CAMKMT: variants seen among roughly 807,000 people sequenced by gnomAD.
The protein encoded by CAMKMT is calmodulin-lysine N-methyltransferase, also known as CaM KMT.
CAMKMT carries 53 observed loss-of-function variants against 48.0 expected under a neutral mutation model. The ratio of observed to expected loss-of-function variants is 1.10; its 90% CI spans 0.89 to 1.39. The LOEUF (loss-of-function observed/expected upper bound fraction) is 1.39. Ranked by LOEUF, CAMKMT falls within the 40% of genes most tolerant of loss-of-function variation. The probability of loss-of-function intolerance (pLI) is 0.00; values close to 1 mark genes in which losing one functional copy is unlikely to be tolerated. For synonymous variants in CAMKMT, 165 were observed against 152.3 expected (o/e 1.08, Z -0.61); for missense variants, 428 against 402.7 (o/e 1.06, Z -0.54).
chr2:44,637,010 C>T (rs536317668), intron 3 of CAMKMT, among the ~76,000 whole-genome samples: 1 of 152,228 alleles, frequency 6.6e-6, no homozygotes, highest in South Asian at 2.1e-4. Flanking sequence ...TCCAACTTGA[C>T]AAGCATTATA....
chr2:44,429,259 A>ATGTGTGTGTG (rs374003166), intron 3 of CAMKMT, among the ~76,000 whole-genome samples: 1 of 131,874 alleles, frequency 7.6e-6, no homozygotes, highest in African/African-American at 2.8e-5. Flanking sequence ...TTTTATATAT[A>ATGTGTGTGTG]TGTGTGTGTG....
At chr2:44,720,049 C>G (rs1434185484) in intron 7 of CAMKMT, among the ~76,000 whole-genome samples, 1 of 152,170 alleles carries the variant, frequency 6.6e-6, no homozygotes, top group Admixed American at 6.5e-5. Flanking sequence ...ACTAACATAA[C>G]ACTGTTGATT....
chr2:44,459,685 C>T (rs978716481), intron 3 of CAMKMT, among the ~76,000 whole-genome samples: 3 of 152,144 alleles, frequency 2.0e-5, no homozygotes, highest in Non-Finnish European at 2.9e-5. Flanking sequence ...AGGCTATTCT[C>T]GATATGCTCA....
At chr2:44,579,163 C>A (rs1669401732) in intron 3 of CAMKMT, among the ~76,000 whole-genome samples, 1 of 152,102 alleles carries the variant, frequency 6.6e-6, no homozygotes, top group African/African-American at 2.4e-5. Flanking sequence ...ATACACTTAA[C>A]AATTTCTGGT....
intron 5 of CAMKMT, 43 bp downstream of exon 5, chr2:44,706,384 A>G (rs766886262): frequency 6.2e-7 from 1 of 1,602,410 alleles, no homozygotes; most frequent in South Asian, 1.1e-5. Flanking sequence ...AGGGAGGAAC[A>G]AAAGGAAAAA....
chr2:44,412,140 G>A (rs369292997), intron 3 of CAMKMT, among the ~76,000 whole-genome samples: 28 of 151,812 alleles, frequency 1.8e-4, no homozygotes, highest in African/African-American at 6.5e-4. Context: ...CTTGTCACGC[G>A]CATTACGTTT....
intron 3 of CAMKMT, among the ~76,000 whole-genome samples, chr2:44,412,313 ATGTT>A (rs371339698): frequency 6.0e-4 from 92 of 152,208 alleles, no homozygotes; most frequent in Admixed American, 2.6e-3. Flanking sequence ...GGCCATTATA[ATGTT>A]TGTTTAAGTT....
chr2:44,435,902 T>A (rs1558612811), intron 3 of CAMKMT, among the ~76,000 whole-genome samples: 1 of 152,208 alleles, frequency 6.6e-6, no homozygotes, highest in African/African-American at 2.4e-5. Context: ...TGGTTTTCAT[T>A]TACTGAATGT....
chr2:44,475,878 G>A (rs1668663128), intron 3 of CAMKMT, among the ~76,000 whole-genome samples: 1 of 152,216 alleles, frequency 6.6e-6, no homozygotes, highest in South Asian at 2.1e-4. Context: ...GTCTGTGACT[G>A]CATTCTCTGA....
intron 8 of CAMKMT, 58 bp from the exon 9 acceptor site, chr2:44,753,997 G>A: frequency 6.7e-6 from 8 of 1,196,100 alleles, no homozygotes; most frequent in Non-Finnish European, 1.0e-5. Context: ...ATCTCCATTA[G>A]TATCATTAGA....
At chr2:44,433,051 T>C (rs72877265) in intron 3 of CAMKMT, among the ~76,000 whole-genome samples, 19,673 of 152,174 alleles carry the variant, frequency 0.13, 2,094 homozygotes, top group African/African-American at 0.29. Context: ...TCAAATGTTG[T>C]CCTTTTGGCA....
intron 3 of CAMKMT, among the ~76,000 whole-genome samples, chr2:44,490,302 T>G (rs1669427047): frequency 6.6e-6 from 1 of 152,222 alleles, no homozygotes; most frequent in African/African-American, 2.4e-5. Context: ...TGAGATGGAG[T>G]TTTGCTCTCG....
chr2:44,550,774 A>G (rs1374366190), intron 3 of CAMKMT: 1 of 152,202 alleles, frequency 6.6e-6, no homozygotes, highest in African/African-American at 2.4e-5. Flanking sequence ...TAATGATTAA[A>G]CCAGTGATAC....
rs570033508 is a variant in CAMKMT, at chr2:44,721,642, A to G, written c.623+6289A>G. On this transcript the variant is annotated intron_variant, in intron 7 of 10. Coordinates refer to ENST00000378494, the MANE Select transcript of CAMKMT (RefSeq NM_024766.5). ...TTCACAGAGTTGTGCAAGCATCACAATCATTTTAGAGTATTTTCATCACCC... is the reference window on the plus strand; with the variant it reads ...TTCACAGAGTTGTGCAAGCATCACAGTCATTTTAGAGTATTTTCATCACCC... Among the ~76,000 whole-genome samples the G allele has an allele frequency of 3.9e-5, 6 of 152,278 alleles. No homozygotes were observed. The East Asian group carries it at 9.7e-4, about 25-fold the overall frequency.
At chr2:44,395,139 T>G in intron 3 of CAMKMT, 1 of 358,318 alleles carries the variant, frequency 2.8e-6, no homozygotes, top group South Asian at 2.1e-5. Flanking sequence ...TCTGTTTCAT[T>G]GTTGTTATGT....
chr2:44,512,491 G>T (rs1670617297), intron 3 of CAMKMT, among the ~76,000 whole-genome samples: 2 of 152,152 alleles, frequency 1.3e-5, no homozygotes, highest in African/African-American at 2.4e-5. Context: ...CATTTTGACA[G>T]TATACCTCTT....
At chr2:44,468,099 C>G (rs1214361748) in intron 3 of CAMKMT, among the ~76,000 whole-genome samples, 2 of 152,182 alleles carry the variant, frequency 1.3e-5, no homozygotes, top group East Asian at 3.8e-4. Context: ...TATTTGCAAA[C>G]TATCCAACAA....
chr2:44,650,190 G>A (rs1277809943), intron 3 of CAMKMT, among the ~76,000 whole-genome samples: 1 of 152,194 alleles, frequency 6.6e-6, no homozygotes, highest in Non-Finnish European at 1.5e-5. Flanking sequence ...CCCTAGGGGA[G>A]TCCGTCACTG....
At chr2:44,709,586 A>C (rs533130000) in intron 6 of CAMKMT, among the ~76,000 whole-genome samples, 328 of 152,212 alleles carry the variant, frequency 2.2e-3, no homozygotes, top group Non-Finnish European at 2.9e-3. Context: ...ATTCGTTGTC[A>C]TCTGTTTTAC....
Sources: gnomAD v4.1 joint callset for allele counts (sites outside exome capture counted in the v4.1 genomes callset) on GRCh38, gnomAD v4.1.1 for gene constraint, MANE v1.5 for transcripts, NCBI Gene and HGNC (gene_info 2026-07-23, HGNC 2026-07-21) for gene names.